Variants in FGD6 observed in about 807,000 individuals in gnomAD.
FGD6 encodes the protein FYVE, RhoGEF and PH domain-containing protein 6.
A neutral mutation model predicts 149.4 loss-of-function variants in FGD6; 90 were observed. That is an observed-to-expected ratio of 0.60 (90% confidence interval 0.51 to 0.72). The LOEUF is 0.72. Among genes scored for constraint, FGD6 ranks in the 30% least tolerant of loss-of-function variants. The pLI, the probability that FGD6 is intolerant of heterozygous loss-of-function variation, is 0.00. For synonymous variants in FGD6, 527 were observed against 584.0 expected (o/e 0.90, Z 1.41); for missense variants, 1,437 against 1,684.8 (o/e 0.85, Z 2.57).
At chr12:95,171,931 C>T (rs61937922) in intron 3 of FGD6, among the ~76,000 whole-genome samples, 14,014 of 150,094 alleles carry the variant, frequency 0.093, 859 homozygotes, top group African/African-American at 0.17. Context: ...CTATTAACAG[C>T]CATCTTTATT....
chr12:95,188,787 T>C (rs1383287873), intron 2 of FGD6, among the ~76,000 whole-genome samples: 1 of 149,864 alleles, frequency 6.7e-6, no homozygotes, highest in East Asian at 2.0e-4. Context: ...ATTTCAAGTA[T>C]TCCTTAAAAA....
At chr12:95,104,971 GAAAAAAAA>G (rs11331948) in intron 14 of FGD6, 28 bp downstream of exon 14, 2 of 1,349,984 alleles carry the variant, frequency 1.5e-6, no homozygotes, top group Admixed American at 4.9e-5. Context: ...CTCAGAATGA[GAAAAAAAA>G]AAAAAAAAAG....
intron 2 of FGD6, among the ~76,000 whole-genome samples, chr12:95,194,305 A>C (rs910399955): frequency 1.3e-5 from 2 of 152,018 alleles, no homozygotes; most frequent in Non-Finnish European, 2.9e-5. Context: ...GCATGACCTC[A>C]GCTCACCACA....
intron 8 of FGD6, among the ~76,000 whole-genome samples, chr12:95,131,906 G>A (rs185271599): frequency 3.8e-4 from 58 of 152,266 alleles, no homozygotes; most frequent in Admixed American, 1.8e-3. Context: ...CAGGTATGGT[G>A]GCAGGTGCCT....
chr12:95,145,608 C>T (rs542269076), intron 5 of FGD6, among the ~76,000 whole-genome samples: 4 of 152,202 alleles, frequency 2.6e-5, no homozygotes, highest in East Asian at 1.9e-4. Context: ...CCCACTTGCC[C>T]GTAATATATT....
intron 3 of FGD6, among the ~76,000 whole-genome samples, chr12:95,154,936 AAT>A (rs200871391): frequency 2.0e-5 from 3 of 152,204 alleles, no homozygotes; most frequent in African/African-American, 7.2e-5. Flanking sequence ...CATTTGGGAA[AAT>A]TTTTTTTTCT....
At chr12:95,158,588 C>T (rs561714914) in intron 3 of FGD6, among the ~76,000 whole-genome samples, 2 of 152,226 alleles carry the variant, frequency 1.3e-5, no homozygotes, top group African/African-American at 4.8e-5. Flanking sequence ...TGTCTACACA[C>T]ACATACACAC....
intron 3 of FGD6, among the ~76,000 whole-genome samples, chr12:95,163,753 T>C (rs1880713994): frequency 6.6e-6 from 1 of 152,066 alleles, no homozygotes; most frequent in Admixed American, 6.6e-5. Context: ...GTTCTAGGAG[T>C]CTATATATTC....
chr12:95,082,654 CAAAAA>C (rs71075900), intron 20 of FGD6, among the ~76,000 whole-genome samples: 3 of 67,786 alleles, frequency 4.4e-5, no homozygotes, highest in African/African-American at 6.4e-5. Flanking sequence ...GAGACTGTCT[CAAAAA>C]AAAAAAAAAA....
chr12:95,205,572 A>C (rs1352635555), intron 2 of FGD6, among the ~76,000 whole-genome samples: 1 of 152,182 alleles, frequency 6.6e-6, no homozygotes, highest in Non-Finnish European at 1.5e-5. Context: ...CTGGATTTTG[A>C]ATTAAGTATT....
chr12:95,088,758 A>T (rs969422607), intron 18 of FGD6, among the ~76,000 whole-genome samples: 2 of 152,228 alleles, frequency 1.3e-5, no homozygotes, highest in Non-Finnish European at 2.9e-5. Flanking sequence ...ACAAGAAACG[A>T]AGTATGGATA....
At position 95,113,649 on chromosome 12, in the gene FGD6, A is replaced by G; in HGVS notation, c.3133+2T>C. On this transcript the variant is annotated splice_donor_variant, in intron 9 of 20. Coordinates refer to ENST00000343958, the MANE Select transcript of FGD6 (RefSeq NM_018351.4). LOFTEE classifies it high-confidence loss of function. ...ACTTCTGCAACCACAGAAGTTATTTACCTTGAGTGTCTCTGTAATCTCCAG... is the reference window on the plus strand; with the variant it reads ...ACTTCTGCAACCACAGAAGTTATTTGCCTTGAGTGTCTCTGTAATCTCCAG... 2 of 1,590,836 alleles carry G rather than the reference A, an allele frequency of 1.3e-6. No homozygotes were observed. Among genetic ancestry groups the G allele is most frequent in the African/African-American group, 1.4e-5 (1 of 73,370 alleles).
chr12:95,098,052 A>G (rs1046384924), intron 14 of FGD6, among the ~76,000 whole-genome samples: 5 of 152,098 alleles, frequency 3.3e-5, no homozygotes, highest in Non-Finnish European at 5.9e-5. Context: ...ATGGTGCCCA[A>G]ATATATGTCT....
intron 2 of FGD6, among the ~76,000 whole-genome samples, chr12:95,194,317 C>A (rs919901597): frequency 2.0e-5 from 3 of 152,174 alleles, no homozygotes; most frequent in Non-Finnish European, 4.4e-5. Flanking sequence ...CTCACCACAA[C>A]CTCCACCTCC....
At chr12:95,092,558 T>G in intron 16 of FGD6, 141 bp downstream of exon 16, 1 of 896,464 alleles carries the variant, frequency 1.1e-6, no homozygotes, top group South Asian at 3.2e-5. Flanking sequence ...CCATTCATGT[T>G]TGCTACCATT....
chr12:95,135,159 T>C (rs1271290119), intron 7 of FGD6, among the ~76,000 whole-genome samples: 1 of 152,152 alleles, frequency 6.6e-6, no homozygotes, highest in Non-Finnish European at 1.5e-5. Context: ...CCCACTTGTA[T>C]TGATAAATAC....
chr12:95,107,148 T>G, intron 12 of FGD6, 111 bp from the exon 13 acceptor site: 1 of 752,468 alleles, frequency 1.3e-6, no homozygotes, highest in Non-Finnish European at 2.2e-6. Context: ...CTAATAGCTC[T>G]CTGAATAAAA....
intron 3 of FGD6, among the ~76,000 whole-genome samples, chr12:95,168,402 G>A (rs1407085110): frequency 1.3e-5 from 2 of 152,126 alleles, no homozygotes; most frequent in South Asian, 2.1e-4. Context: ...GGTGGATCAC[G>A]CCTGTAATCC....
chr12:95,206,527 A>G (rs1347551398), intron 2 of FGD6, among the ~76,000 whole-genome samples: 1 of 151,964 alleles, frequency 6.6e-6, no homozygotes, highest in Non-Finnish European at 1.5e-5. Flanking sequence ...TCTACAAAAA[A>G]TAAAAAATAA....
Sources: gnomAD v4.1 joint callset for allele counts (sites outside exome capture counted in the v4.1 genomes callset) on GRCh38, gnomAD v4.1.1 for gene constraint, MANE v1.5 for transcripts, NCBI Gene and HGNC (gene_info 2026-07-23, HGNC 2026-07-21) for gene names.